TBC1D19: variants seen among roughly 807,000 people sequenced by gnomAD.
The protein encoded by TBC1D19 is TBC1 domain family, member 19.
A neutral mutation model predicts 89.0 loss-of-function variants in TBC1D19; 60 were observed. The observed-to-expected ratio is 0.67, with a 90% CI of 0.55 to 0.84. The LOEUF (loss-of-function observed/expected upper bound fraction) is 0.84. Among genes scored for constraint, TBC1D19 ranks in the 40% least tolerant of loss-of-function variants. TBC1D19 has a pLI of 0.00. For synonymous variants in TBC1D19, 189 were observed against 199.7 expected (o/e 0.95, Z 0.45); for missense variants, 500 against 610.8 (o/e 0.82, Z 1.91).
chr4:26,659,059 T>C (rs985912566), intron 7 of TBC1D19, among the ~76,000 whole-genome samples: 1 of 152,198 alleles, frequency 6.6e-6, no homozygotes, highest in African/African-American at 2.4e-5. Context: ...CTCTTCCTAT[T>C]TGAATACCCT....
chr4:26,761,481 G>A, the TBC1D19 span, among the ~76,000 whole-genome samples: 1 of 151,916 alleles, frequency 6.6e-6, no homozygotes, highest in Non-Finnish European at 1.5e-5. Context: ...TTAAACAATG[G>A]TATTTTATTT....
chr4:26,837,079 G>A, the TBC1D19 span, among the ~76,000 whole-genome samples: 2 of 152,294 alleles, frequency 1.3e-5, no homozygotes, highest in South Asian at 4.1e-4. Flanking sequence ...TGTCCAGAAT[G>A]GGAATGTTTG....
chr4:26,658,589 T>G (rs1043010571), intron 7 of TBC1D19, among the ~76,000 whole-genome samples: 4 of 152,248 alleles, frequency 2.6e-5, no homozygotes, highest in Non-Finnish European at 5.9e-5. Context: ...TGGTTCCATA[T>G]GAAGTTTAAA....
At chr4:26,614,788 G>T (rs563159709) in intron 3 of TBC1D19, among the ~76,000 whole-genome samples, 285 of 151,992 alleles carry the variant, frequency 1.9e-3, no homozygotes, top group African/African-American at 6.5e-3. Flanking sequence ...AGTGATTCTT[G>T]TGCCTCAGGC....
chr4:26,830,544 C>T, the TBC1D19 span, among the ~76,000 whole-genome samples: 1 of 152,024 alleles, frequency 6.6e-6, no homozygotes, highest in Non-Finnish European at 1.5e-5. Context: ...ATTTTTTTCC[C>T]GTCTGACCTC....
intron 1 of TBC1D19, among the ~76,000 whole-genome samples, chr4:26,607,417 A>G (rs867267475): frequency 1.9e-4 from 29 of 152,206 alleles, no homozygotes; most frequent in Middle Eastern, 3.4e-3. Flanking sequence ...ATAACTGAAA[A>G]ATTTTCTATT....
At chr4:26,800,153 C>T in the TBC1D19 span, among the ~76,000 whole-genome samples, 1 of 152,166 alleles carries the variant, frequency 6.6e-6, no homozygotes, top group Admixed American at 6.5e-5. Flanking sequence ...CTATCCCTCC[C>T]CGTCTCCCCA....
intron 3 of TBC1D19, among the ~76,000 whole-genome samples, chr4:26,619,427 G>A (rs189160049): frequency 1.2e-4 from 19 of 152,074 alleles, no homozygotes; most frequent in Admixed American, 9.8e-4. Flanking sequence ...GGATGGTCTC[G>A]AGCTCCTGAC....
At chr4:26,661,319 C>T (rs979952793) in intron 8 of TBC1D19, among the ~76,000 whole-genome samples, 4 of 152,084 alleles carry the variant, frequency 2.6e-5, no homozygotes, top group African/African-American at 7.2e-5. Context: ...CCCTACTTTC[C>T]CCACCCTCCA....
At chr4:26,651,023 TG>T (rs1441175199) in intron 7 of TBC1D19, among the ~76,000 whole-genome samples, 1 of 152,180 alleles carries the variant, frequency 6.6e-6, no homozygotes, top group African/African-American at 2.4e-5. Flanking sequence ...ATCAGATAGT[TG>T]TAGATATGTG....
At chr4:26,822,500 A>T in the TBC1D19 span, among the ~76,000 whole-genome samples, 9 of 152,290 alleles carry the variant, frequency 5.9e-5, no homozygotes, top group African/African-American at 2.2e-4. Flanking sequence ...GTTTCCCTAA[A>T]TAAAGTTCCA....
At chr4:26,723,187 G>A (rs1314006033) in intron 15 of TBC1D19, among the ~76,000 whole-genome samples, 1 of 152,068 alleles carries the variant, frequency 6.6e-6, no homozygotes, top group African/African-American at 2.4e-5. Flanking sequence ...CCAGAATCAA[G>A]GAGGACACTT....
chr4:26,798,699 T>TA, the TBC1D19 span, among the ~76,000 whole-genome samples: 1 of 151,638 alleles, frequency 6.6e-6, no homozygotes, highest in Non-Finnish European at 1.5e-5. Flanking sequence ...TAGATAGCCA[T>TA]AAAAAATGAA....
chr4:26,614,627 T>C (rs1410567287), intron 3 of TBC1D19, among the ~76,000 whole-genome samples, 174 bp downstream of exon 3: 4 of 152,138 alleles, frequency 2.6e-5, no homozygotes, highest in Admixed American at 2.6e-4. Flanking sequence ...GCCTGACAAA[T>C]AATAAGAAAT....
chr4:26,769,406 T>C, the TBC1D19 span, among the ~76,000 whole-genome samples: 3 of 152,192 alleles, frequency 2.0e-5, no homozygotes, highest in Non-Finnish European at 4.4e-5. Context: ...GGCTTTTTCT[T>C]ATTATTTAAA....
the TBC1D19 span, among the ~76,000 whole-genome samples, chr4:26,827,170 C>G: frequency 2.0e-5 from 3 of 152,208 alleles, no homozygotes; most frequent in Non-Finnish European, 2.9e-5. Context: ...AACACAAATT[C>G]AATCACAGTA....
rs571941155 is a variant in TBC1D19, at chr4:26,594,717, C to T, written c.99+10425C>T. 2.8e-4 allele frequency among the ~76,000 whole-genome samples: 43 copies of T among 152,304 alleles called. No homozygotes were observed. In the South Asian group the frequency reaches 8.5e-3, roughly 30 times the overall value. ...CATGAAATGCTAACGTAACTTAACTCTTTGTTCAGGGCTCAGTTCTTTGGA... is the reference window on the plus strand; with the variant it reads ...CATGAAATGCTAACGTAACTTAACTTTTTGTTCAGGGCTCAGTTCTTTGGA... On this transcript the variant is annotated intron_variant, in intron 1 of 20. Transcript: ENST00000264866.
the TBC1D19 span, among the ~76,000 whole-genome samples, chr4:26,826,626 T>C: frequency 6.6e-6 from 1 of 152,178 alleles, no homozygotes; most frequent in African/African-American, 2.4e-5. Flanking sequence ...TCCGCGTGTA[T>C]TTTGTTAGAT....
intron 1 of TBC1D19, among the ~76,000 whole-genome samples, chr4:26,593,489 G>A (rs1241405554): frequency 1.3e-5 from 2 of 152,322 alleles, no homozygotes; most frequent in Middle Eastern, 3.4e-3. Context: ...ATTGACAAAT[G>A]TGATCTAATT....
Sources: gnomAD v4.1 joint callset for allele counts (sites outside exome capture counted in the v4.1 genomes callset) on GRCh38, gnomAD v4.1.1 for gene constraint, MANE v1.5 for transcripts, NCBI Gene and HGNC (gene_info 2026-07-23, HGNC 2026-07-21) for gene names.